OR52I2: variants seen among roughly 807,000 people sequenced by gnomAD.
The protein encoded by OR52I2 is olfactory receptor family 52 subfamily I member 2.
For synonymous variants in OR52I2, 147 were observed against 151.9 expected (o/e 0.97, Z 0.24); for missense variants, 350 against 402.4 (o/e 0.87, Z 1.11).
chr11:4,587,812 A>G (rs765449082), exon 2 of OR52I2: 1 of 1,613,998 alleles, frequency 6.2e-7, no homozygotes, highest in Non-Finnish European at 8.5e-7. Flanking sequence ...GCGGGAGAGA[A>G]TATGGAGTTA....
chr11:4,588,099 T>A (rs535635088), exon 2 of OR52I2: 129 of 537,960 alleles, frequency 2.4e-4, no homozygotes, highest in Non-Finnish European at 3.4e-4. Flanking sequence ...AGAATACACA[T>A]TTGATTGAAC....
chr11:4,589,404 T>C (rs1289279886), exon 2 of OR52I2: 2 of 152,214 alleles, frequency 1.3e-5, no homozygotes, highest in Non-Finnish European at 2.9e-5. Flanking sequence ...AGGCATGGAC[T>C]CATTGGAGAA....
At chr11:4,586,545 T>C (rs1284120373) in intron 1 of OR52I2, among the ~76,000 whole-genome samples, 9 of 152,118 alleles carry the variant, frequency 5.9e-5, no homozygotes. Context: ...AGGGAGAGCA[T>C]TACAATGATC....
chr11:4,586,068 A>G (rs776649747), intron 1 of OR52I2, among the ~76,000 whole-genome samples: 7 of 152,324 alleles, frequency 4.6e-5, no homozygotes, highest in Middle Eastern at 3.4e-3. Context: ...GGTAGTCCCA[A>G]GGTTTTCTTT....
chr11:4,586,920 G>A, exon 2 of OR52I2: 1 of 1,614,088 alleles, frequency 6.2e-7, no homozygotes, highest in Non-Finnish European at 8.5e-7. Context: ...ACCACACAAT[G>A]GAAACCCCTG....
chr11:4,590,687 C>T (rs1158499543), exon 2 of OR52I2: 1 of 152,142 alleles, frequency 6.6e-6, no homozygotes, highest in African/African-American at 2.4e-5. Flanking sequence ...CTTTATGCAG[C>T]CCTTTATGCA....
chr11:4,588,053 T>A, exon 2 of OR52I2: 1 of 597,518 alleles, frequency 1.7e-6, no homozygotes, highest in Non-Finnish European at 2.9e-6. Flanking sequence ...GTGGATTCAA[T>A]CAACTTGTAT....
rs1758418155 is a variant in OR52I2, at chr11:4,583,537, A to G, written c.-20+1673A>G. 2.0e-5 allele frequency among the ~76,000 whole-genome samples: 3 copies of G among 152,194 alleles called. No homozygotes were observed. The South Asian group carries it at 6.2e-4, about 31-fold the overall frequency. On this transcript the variant is annotated intron_variant, in intron 1 of 1. Coordinates refer to ENST00000641896, the Ensembl canonical transcript of OR52I2. ...CAGAACACATGCGGCAGTTTCAAGCATATCCTGAATTTTCTTTCACTCTTT... is the reference window on the plus strand; with the variant it reads ...CAGAACACATGCGGCAGTTTCAAGCGTATCCTGAATTTTCTTTCACTCTTT...
At chr11:4,583,548 T>A (rs1227341769) in intron 1 of OR52I2, among the ~76,000 whole-genome samples, 1 of 152,204 alleles carries the variant, frequency 6.6e-6, no homozygotes, top group Non-Finnish European at 1.5e-5. Flanking sequence ...TATCCTGAAT[T>A]TTCTTTCACT....
intron 1 of OR52I2, among the ~76,000 whole-genome samples, chr11:4,584,643 T>G (rs1846285508): frequency 6.6e-6 from 1 of 151,946 alleles, no homozygotes; most frequent in African/African-American, 2.4e-5. Flanking sequence ...ACAGGTATGA[T>G]GAAGAAACAA....
intron 1 of OR52I2, among the ~76,000 whole-genome samples, chr11:4,585,355 C>A (rs1379930857): frequency 1.3e-5 from 2 of 152,184 alleles, no homozygotes; most frequent in Non-Finnish European, 2.9e-5. Flanking sequence ...CCAGAAGAGG[C>A]AGCGCCCCTT....
Position 4,587,691 on chromosome 11 carries a change from G to A in OR52I2, c.801G>A (p.Trp267Ter), listed in dbSNP as rs1464604082. ...GGATGGCATCCATCTATGCGGCCTGGTTGGGGCAGGATGTAGTGCCCTTGC... is the reference window on the plus strand; with the variant it reads ...GGATGGCATCCATCTATGCGGCCTGATTGGGGCAGGATGTAGTGCCCTTGC... Residue 267 changes from tryptophan (W) to a stop codon, truncating the protein, a stop_gained, in exon 2 of 2, where the codon TGG (tryptophan) becomes TGA (stop). Coordinates refer to ENST00000641896, the Ensembl canonical transcript of OR52I2. LOFTEE classifies it low-confidence loss of function (END_TRUNC). The A allele has an allele frequency of 1.2e-6, 2 of 1,614,194 alleles. No homozygotes were observed. Among genetic ancestry groups the A allele is most frequent in the Non-Finnish European group, 8.5e-7 (1 of 1,180,018 alleles).
chr11:4,582,135 AAC>A lies in OR52I2; in HGVS notation c.-20+273_-20+274del, dbSNP rs1589842182. Among the ~76,000 whole-genome samples the A allele has an allele frequency of 3.3e-5, 5 of 152,324 alleles. No individual in the cohort carries two copies. In the East Asian group the frequency reaches 9.7e-4, roughly 29 times the overall value. On this transcript the variant is annotated intron_variant, in intron 1 of 1. Coordinates refer to ENST00000641896, the Ensembl canonical transcript of OR52I2. Reference sequence around the variant, plus strand: ...AAGTCCAATTTTGAGCTGGTGGAGTAACAGTTTTCAGGGACCAAGAGAAGTTA... The same window carrying A: ...AAGTCCAATTTTGAGCTGGTGGAGTAAGTTTTCAGGGACCAAGAGAAGTTA...
At chr11:4,587,695 G>C (rs1466112807) in exon 2 of OR52I2, 1 of 1,614,144 alleles carries the variant, frequency 6.2e-7, no homozygotes, top group Non-Finnish European at 8.5e-7. Flanking sequence ...GGCCTGGTTG[G>C]GGCAGGATGT....
exon 2 of OR52I2, chr11:4,590,397 T>C (rs1035089847): frequency 2.0e-5 from 3 of 152,262 alleles, no homozygotes; most frequent in Non-Finnish European, 4.4e-5. Context: ...AAATAAATAT[T>C]TGTAGAAAGA....
intron 1 of OR52I2, among the ~76,000 whole-genome samples, chr11:4,585,204 T>A (rs1360122818): frequency 2.0e-5 from 3 of 152,150 alleles, no homozygotes; most frequent in Non-Finnish European, 4.4e-5. Context: ...CTATCCTGCC[T>A]CTTGATGATG....
chr11:4,590,170 A>G (rs972804741), exon 2 of OR52I2: 3 of 152,198 alleles, frequency 2.0e-5, no homozygotes, highest in African/African-American at 7.2e-5. Flanking sequence ...CATAATAAAT[A>G]TTTATCAGGC....
chr11:4,587,266 C>A, exon 2 of OR52I2: 7 of 1,613,956 alleles, frequency 4.3e-6, no homozygotes, highest in Non-Finnish European at 5.9e-6. Flanking sequence ...GGCTTTTGAC[C>A]GCTATGTAGC....
exon 2 of OR52I2, chr11:4,587,143 A>C (rs1395589304): frequency 6.2e-7 from 1 of 1,613,932 alleles, no homozygotes; most frequent in East Asian, 2.2e-5. Context: ...GGTACCCAAG[A>C]TGGTGAGCAT....
Sources: gnomAD v4.1 joint callset for allele counts (sites outside exome capture counted in the v4.1 genomes callset) on GRCh38, gnomAD v4.1.1 for gene constraint, MANE v1.5 for transcripts, NCBI Gene and HGNC (gene_info 2026-07-23, HGNC 2026-07-21) for gene names.